The following RGL1 variants were observed in gnomAD, a reference collection of about 807,000 sequenced individuals.
RGL1 encodes the protein ral guanine nucleotide dissociation stimulator like 1, also known as ral guanine nucleotide dissociation stimulator-like 1.
In RGL1, 24 loss-of-function variants were observed where a neutral mutation model predicts 95.2. The observed-to-expected ratio is 0.25, with a 90% CI of 0.18 to 0.35. RGL1 has a LOEUF of 0.35. RGL1 is among the 10% of genes least tolerant of loss of function. The probability of loss-of-function intolerance (pLI) is 1.00; values close to 1 mark genes in which losing one functional copy is unlikely to be tolerated. For synonymous variants in RGL1, 329 were observed against 344.9 expected, an observed-to-expected ratio of 0.95 and a Z score of 0.51; for missense variants, 715 against 936.3, an observed-to-expected ratio of 0.76 and a Z score of 3.08.
intron 3 of RGL1, among the ~76,000 whole-genome samples, chr1:183,857,267 A>C (rs1665214944): frequency 6.6e-6 from 1 of 152,202 alleles, no homozygotes; most frequent in African/African-American, 2.4e-5. Context: ...TGAAGCTAGA[A>C]AAGGGGATTG....
chr1:183,911,586 C>T (rs1668644043), intron 14 of RGL1, among the ~76,000 whole-genome samples: 1 of 152,244 alleles, frequency 6.6e-6, no homozygotes, highest in African/African-American at 2.4e-5. Flanking sequence ...CCCTTCCTAT[C>T]TTGCAAGCTC....
intron 1 of RGL1, among the ~76,000 whole-genome samples, chr1:183,654,414 C>T (rs1650990428): frequency 6.6e-6 from 1 of 152,170 alleles, no homozygotes; most frequent in South Asian, 2.1e-4. Flanking sequence ...CCTCATAGCT[C>T]ATCTTTTATT....
At chr1:183,667,934 A>G (rs1652155247) in intron 1 of RGL1, among the ~76,000 whole-genome samples, 1 of 140,578 alleles carries the variant, frequency 7.1e-6, no homozygotes, top group African/African-American at 2.5e-5. Context: ...CTATATAATA[A>G]CAAAATATTT....
At chr1:183,857,558 T>C (rs2102567840) in intron 3 of RGL1, among the ~76,000 whole-genome samples, 1 of 152,310 alleles carries the variant, frequency 6.6e-6, no homozygotes, top group East Asian at 1.9e-4. Context: ...CAGGACATCA[T>C]GCCCTGTTCA....
At position 183,887,206 on chromosome 1, in the gene RGL1, T is replaced by TTGTTTCTCTCTTTCTCTCTC. The variant is rs1558272626; in HGVS notation, c.952-1268_952-1267insTGTTTCTCTCTTTCTCTCTC. On this transcript the variant is annotated intron_variant, in intron 7 of 17. Coordinates refer to ENST00000360851, the MANE Select transcript of RGL1 (RefSeq NM_001297671.3). Reference sequence around the variant, plus strand: ...TCCCTCCCTCCCTCCTTCCCCTCCTTCTTCTCTCTTTCTCTTTATATCTTT... The same window carrying TTGTTTCTCTCTTTCTCTCTC: ...TCCCTCCCTCCCTCCTTCCCCTCCTTTGTTTCTCTCTTTCTCTCTCCTTCTCTCTTTCTCTTTATATCTTT... Among the ~76,000 whole-genome samples the TTGTTTCTCTCTTTCTCTCTC allele has an allele frequency of 3.2e-3, 16 of 5,048 alleles. 1 individual carries two copies. Among genetic ancestry groups the TTGTTTCTCTCTTTCTCTCTC allele is most frequent in the Middle Eastern group, 0.083 (1 of 12 alleles). 3.3% of individuals were successfully genotyped at this position (5,048 alleles called of 152,430 possible). A position where few individuals can be genotyped will look rare whatever the true frequency, so the allele number is the denominator to read the frequency against.
In RGL1 at chr1:183,887,044, G is replaced by A. The variant is rs528046839; in HGVS notation, c.952-1430G>A. On this transcript the variant is annotated intron_variant, in intron 7 of 17. Transcript: ENST00000360851. ...CTGTTCCTGAGTTCCTTTTTTTATT[G>A]CAAGTTTCCTGATTTTTAGAATATA... Among the ~76,000 whole-genome samples the A allele has an allele frequency of 4.1e-4, 62 of 151,456 alleles. No homozygotes were observed. The South Asian group carries it at 0.013, about 31-fold the overall frequency.
intron 1 of RGL1, chr1:183,648,634 G>A (rs1650492054): frequency 1.2e-6 from 2 of 1,614,164 alleles, no homozygotes; most frequent in Non-Finnish European, 1.7e-6. Flanking sequence ...CCAAAAATCT[G>A]ACAAAATTCT....
chr1:183,919,019 C>G (rs532913369), intron 16 of RGL1, among the ~76,000 whole-genome samples: 2 of 152,312 alleles, frequency 1.3e-5, no homozygotes, highest in South Asian at 4.1e-4. Flanking sequence ...CCTTTATACT[C>G]TGAAACAGCA....
At chr1:183,648,946 T>G (rs980702019) in intron 1 of RGL1, 3 of 588,686 alleles carry the variant, frequency 5.1e-6, no homozygotes, top group Non-Finnish European at 8.7e-6. Flanking sequence ...ATTTAAAAGC[T>G]CAGGATTCAT....
intron 12 of RGL1, among the ~76,000 whole-genome samples, chr1:183,903,307 C>T (rs1439622115): frequency 2.0e-5 from 3 of 152,068 alleles, no homozygotes; most frequent in Non-Finnish European, 1.5e-5. Context: ...CTTTCCCTTT[C>T]GTGTCAGCAT....
rs779587114 is a variant in RGL1, at chr1:183,724,516, C to A, written c.-32-17610C>A. Among the ~76,000 whole-genome samples the A allele has an allele frequency of 6.6e-5, 10 of 152,150 alleles. No homozygotes were observed. The highest frequency in any genetic ancestry group is 1.0e-4 in the Non-Finnish European group (7 of 68,020). The stretch of plus-strand genomic sequence containing the variant: ...CCCTTGGGCCTTAAGTGAACATCAG[C>A]AGTAGCCTGGCAGTACTCCTCACAG... On this transcript the variant is annotated intron_variant, in intron 1 of 18. Transcript: ENST00000304685. The surrounding 1 kb of genome is among the most constrained non-coding windows in gnomAD (Gnocchi z 4.1).
intron 4 of RGL1, among the ~76,000 whole-genome samples, chr1:183,868,757 C>T (rs776819754): frequency 1.1e-4 from 17 of 152,170 alleles, no homozygotes; most frequent in Non-Finnish European, 2.2e-4. Context: ...TTTTGGAACT[C>T]AGTCCAATCT....
At chr1:183,848,236 A>G (rs565128525) in intron 3 of RGL1, among the ~76,000 whole-genome samples, 117 of 152,342 alleles carry the variant, frequency 7.7e-4, no homozygotes, top group African/African-American at 2.5e-3. Flanking sequence ...GATGATAACT[A>G]TTAACAGTCA....
intron 1 of RGL1, among the ~76,000 whole-genome samples, chr1:183,652,896 T>C (rs942169693): frequency 1.3e-5 from 2 of 152,168 alleles, no homozygotes; most frequent in Non-Finnish European, 2.9e-5. Context: ...TTTCCATAGT[T>C]TAACATAAAT....
At chr1:183,655,620 A>C (rs1651101050) in intron 1 of RGL1, among the ~76,000 whole-genome samples, 1 of 152,244 alleles carries the variant, frequency 6.6e-6, no homozygotes, top group South Asian at 2.1e-4. Context: ...ACGAAAAAGC[A>C]GAGGGTGGAT....
At chr1:183,662,185 A>G (rs943571280) in intron 1 of RGL1, among the ~76,000 whole-genome samples, 1 of 151,592 alleles carries the variant, frequency 6.6e-6, no homozygotes, top group Admixed American at 6.6e-5. Context: ...ACTCCTATTC[A>G]AGATAGTGTT....
intron 1 of RGL1, among the ~76,000 whole-genome samples, chr1:183,662,345 T>TCA: frequency 6.6e-6 from 1 of 151,802 alleles, no homozygotes. Flanking sequence ...CTTAAGCTGA[T>TCA]AAGCAACTTC....
chr1:183,702,465 A>C (rs1236051059), intron 1 of RGL1, among the ~76,000 whole-genome samples: 2 of 152,220 alleles, frequency 1.3e-5, no homozygotes, highest in Non-Finnish European at 2.9e-5. Context: ...TTTTATACCT[A>C]GTAGATCCAT....
intron 3 of RGL1, among the ~76,000 whole-genome samples, chr1:183,861,995 A>G (rs776172652): frequency 6.6e-5 from 10 of 152,172 alleles, no homozygotes; most frequent in Non-Finnish European, 1.3e-4. Flanking sequence ...CTGGATTCCA[A>G]CACTAGTCTA....
Sources: gnomAD v4.1 joint callset for allele counts (sites outside exome capture counted in the v4.1 genomes callset) on GRCh38, gnomAD v4.1.1 for gene constraint, Gnocchi (gnomAD v3.1) non-coding constraint, MANE v1.5 for transcripts, NCBI Gene and HGNC (gene_info 2026-07-23, HGNC 2026-07-21) for gene names.